AMER3: variants seen among roughly 807,000 people sequenced by gnomAD.
AMER3 encodes the protein family with sequence similarity 123C.
For missense variants in AMER3, 1,201 were observed against 1,139.4 expected (o/e 1.05, Z -0.78); for synonymous variants, 541 against 485.5 (o/e 1.11, Z -1.50).
chr2:130,758,095 C>G (rs888381608), intron 1 of AMER3, among the ~76,000 whole-genome samples: 7 of 152,010 alleles, frequency 4.6e-5, no homozygotes, highest in Non-Finnish European at 7.4e-5. Flanking sequence ...GATCACGCCA[C>G]TGCACTCCAG....
rs368341554 is a variant in AMER3, at chr2:130,760,864, C to T, written c.-19-1190C>T. 1.2e-3 allele frequency among the ~76,000 whole-genome samples: 180 copies of T among 152,278 alleles called. 3 individuals are homozygous for T. In the South Asian group the frequency reaches 0.037, roughly 31 times the overall value. The stretch of plus-strand genomic sequence containing the variant: ...CTTGGCTCAGCTCCCTCCTCCTTCG[C>T]TCATTTCCCTCCTCGAGCTGTCCCA... On this transcript the variant is annotated intron_variant, in intron 1 of 1. Coordinates refer to ENST00000321420, the MANE Select transcript of AMER3 (RefSeq NM_152698.3).
intron 1 of AMER3, among the ~76,000 whole-genome samples, chr2:130,757,276 T>A (rs1678640785): frequency 1.3e-5 from 2 of 152,188 alleles, no homozygotes; most frequent in East Asian, 3.8e-4. Flanking sequence ...TTGCAATAAA[T>A]CCATGTCTGT....
chr2:130,763,040 CCCT>C lies in AMER3; in HGVS notation c.972_974del (p.Leu325del). ...CGCTCAGTGCGTCAGCAGCAGCGTG[CCCT>C]CCTAGGCCCGTGGCTTTCAGGCCCC... On this transcript the variant is annotated inframe_deletion, in exon 2 of 2. Coordinates refer to ENST00000321420, the MANE Select transcript of AMER3 (RefSeq NM_152698.3). The C allele has an allele frequency of 6.2e-7, 1 of 1,613,126 alleles. No homozygotes were observed. Among genetic ancestry groups the C allele is most frequent in the South Asian group, 1.1e-5 (1 of 91,058 alleles).
At chr2:130,760,391 C>A (rs1261460655) in intron 1 of AMER3, among the ~76,000 whole-genome samples, 1 of 152,228 alleles carries the variant, frequency 6.6e-6, no homozygotes, top group African/African-American at 2.4e-5. Context: ...CCCTCGCCCC[C>A]CTGGGTCCTC....
At position 130,767,777 on chromosome 2, in the gene AMER3, C is replaced by A. The variant is rs1275521693; in HGVS notation, c.*3119C>A. ...ATCAACCTCAATGCAGTTGTCAGCC[C>A]CATTTTTCAGACCTGGACACGGAGG... On this transcript the variant is annotated 3_prime_UTR_variant, in exon 2 of 2. Transcript: ENST00000321420. 1 of 167,258 alleles carries A rather than the reference C, an allele frequency of 6.0e-6. No homozygotes were observed. Among genetic ancestry groups the A allele is most frequent in the Non-Finnish European group, 1.5e-5 (1 of 68,230 alleles). The allele number at this position is 167,258 out of a possible 1,614,324, so 10.4% of individuals were successfully genotyped here.
At chr2:130,760,316 G>A (rs187652629) in intron 1 of AMER3, among the ~76,000 whole-genome samples, 293 of 152,352 alleles carry the variant, frequency 1.9e-3, no homozygotes, top group Middle Eastern at 6.8e-3. Flanking sequence ...AGCCCCTGCA[G>A]TGTCAGCTCT....
chr2:130,763,394 A>C lies in AMER3; in HGVS notation c.1322A>C (p.Asp441Ala), dbSNP rs770126648. Residue 441 changes from aspartate (D) to alanine (A), a missense_variant, in exon 2 of 2, where the codon GAC (aspartate) becomes GCC (alanine). Transcript: ENST00000321420. ...CCTCTTGGCCCCAGCCCAGATGATG[A>C]CCTGTGCGTGTCTGAGAGTCTGTCA... ...EGPLGPSPDD[D>A]LCVSESLSGP... 5 of 1,612,842 alleles carry C rather than the reference A, an allele frequency of 3.1e-6. No homozygotes were observed. The highest frequency in any genetic ancestry group is 4.2e-6 in the Non-Finnish European group (5 of 1,179,978).
intron 1 of AMER3, 74 bp from the exon 2 acceptor site, chr2:130,761,980 G>A (rs1479171278): frequency 3.7e-6 from 5 of 1,364,776 alleles, no homozygotes; most frequent in East Asian, 2.5e-5. Flanking sequence ...CTGTGTGAGA[G>A]GGGTAGGCAG....
Position 130,764,435 on chromosome 2 carries a change from G to A in AMER3, c.2363G>A (p.Gly788Asp). ...GAGGCTGTGGAGCAGGTGGCACACG[G>A]CAGCCAGCTGGACTCTGAGCCCCGC... ...STEAVEQVAHGSQLDSEPRSA... is the reference protein window; with the variant it reads ...STEAVEQVAHDSQLDSEPRSA... Residue 788 changes from glycine (G) to aspartate (D), a missense_variant, in exon 2 of 2, where the codon GGC (glycine) becomes GAC (aspartate). Physicochemically the swap from Gly to Asp is moderately conservative, Grantham distance 94 (BLOSUM62 -1). Coordinates refer to ENST00000321420, the MANE Select transcript of AMER3 (RefSeq NM_152698.3). 8 of 1,606,662 alleles carry A rather than the reference G, an allele frequency of 5.0e-6. No individual in the cohort carries two copies. Among genetic ancestry groups the A allele is most frequent in the Non-Finnish European group, 5.9e-6 (7 of 1,177,166 alleles).
rs776778423 is a variant in AMER3 at position 130,764,382 on chromosome 2, G to A, written c.2310G>A (p.Val770=). 19 of 1,612,668 alleles carry A rather than the reference G, an allele frequency of 1.2e-5. No homozygotes were observed. The highest frequency in any genetic ancestry group is 6.7e-5 in the Admixed American group (4 of 59,972). Residue 770 remains valine, a synonymous_variant, in exon 2 of 2, where the codon GTG becomes GTA. Transcript: ENST00000321420. ...TAGGTGTCCAGGCCTGGGCCTCTGT[G>A]GAGGACCAGCCCTTGCAGCTCAGCA... is the stretch of plus-strand genomic sequence containing the variant. ...TGLGVQAWAS[V]EDQPLQLSTE...
At chr2:130,757,938 C>T (rs1373916279) in intron 1 of AMER3, among the ~76,000 whole-genome samples, 1 of 152,170 alleles carries the variant, frequency 6.6e-6, no homozygotes, top group Non-Finnish European at 1.5e-5. Context: ...CAAGACCATC[C>T]TGGCTAACAC....
At position 130,762,614 on chromosome 2, in the gene AMER3, G is replaced by A. The variant is rs540849301; in HGVS notation, c.542G>A (p.Gly181Glu). The A allele has an allele frequency of 1.6e-4, 259 of 1,612,396 alleles. No homozygotes were observed. The South Asian group carries it at 2.6e-3, about 16-fold the overall frequency. Reference protein sequence around the residue: ...TEDLASLAAEGKSLPSPGDPS... With the variant: ...TEDLASLAAEEKSLPSPGDPS... ...GACTTGGCCTCGCTGGCGGCCGAGGGGAAAAGCCTGCCCTCCCCAGGGGAC... is the reference window on the plus strand; with the variant it reads ...GACTTGGCCTCGCTGGCGGCCGAGGAGAAAAGCCTGCCCTCCCCAGGGGAC... The change falls in exon 2 of 2, where the codon GGG becomes GAG. Residue 181 changes from glycine to glutamate, a missense_variant. Coordinates refer to ENST00000321420, the MANE Select transcript of AMER3 (RefSeq NM_152698.3).
chr2:130,767,255 A>AG lies in AMER3; in HGVS notation c.*2597_*2598insG, dbSNP rs761373520. On this transcript the variant is annotated 3_prime_UTR_variant, in exon 2 of 2. Coordinates refer to ENST00000321420, the MANE Select transcript of AMER3 (RefSeq NM_152698.3). ...AAGATTAGCTTCTACCTCAACCAGC[A>AG]CACCTCAGCAAGATGCCAGGATTGG... The AG allele has an allele frequency of 4.8e-5, 8 of 167,432 alleles. No individual in the cohort carries two copies. The highest frequency in any genetic ancestry group is 3.4e-3 in the Middle Eastern group (1 of 298). The allele number at this position is 167,432 out of a possible 1,614,324, so 10.4% of individuals were successfully genotyped here.
rs1678578297 is a variant in AMER3 at position 130,755,631 on chromosome 2, C to G, written c.-63C>G. On this transcript the variant is annotated 5_prime_UTR_variant, in exon 1 of 2. Transcript: ENST00000321420. ...GAGTCCCCACAGCATTTCTGCTCCT[C>G]CCTCAAGACTGCGGCAGAGCACAGC... 6.5e-6 allele frequency: 1 copy of G among 152,936 alleles called. No individual in the cohort carries two copies. Among genetic ancestry groups the G allele is most frequent in the Non-Finnish European group, 1.5e-5 (1 of 68,534 alleles). The allele number at this position is 152,936 out of a possible 1,614,324, so 9.5% of individuals were successfully genotyped here.
At chr2:130,761,732 G>A (rs534355469) in intron 1 of AMER3, among the ~76,000 whole-genome samples, 2 of 152,308 alleles carry the variant, frequency 1.3e-5, no homozygotes, top group African/African-American at 2.4e-5. Flanking sequence ...GACCTGCTAC[G>A]GATACACTAA....
In AMER3 at chr2:130,764,804, A is replaced by G. The variant is rs1393454836; in HGVS notation, c.*146A>G. 2 of 1,069,326 alleles carry G rather than the reference A, an allele frequency of 1.9e-6. No homozygotes were observed. The highest frequency in any genetic ancestry group is 2.7e-6 in the Non-Finnish European group (2 of 753,906). The allele number at this position is 1,069,326 out of a possible 1,614,324, so 66.2% of individuals were successfully genotyped here. ...AGGACTCAGGCATGCAGAGGGTAGCATGTTCATGTGGAGGCATCCTTGCCT... is the reference window on the plus strand; with the variant it reads ...AGGACTCAGGCATGCAGAGGGTAGCGTGTTCATGTGGAGGCATCCTTGCCT... On this transcript the variant is annotated 3_prime_UTR_variant, in exon 2 of 2. Transcript: ENST00000321420.
chr2:130,763,395 C>T lies in AMER3; in HGVS notation c.1323C>T (p.Asp441=), dbSNP rs151032832. 1,889 of 1,613,114 alleles carry T rather than the reference C, an allele frequency of 1.2e-3. 6 individuals are homozygous for T. The highest frequency in any genetic ancestry group is 1.5e-3 in the Non-Finnish European group (1,748 of 1,180,006). The change falls in exon 2 of 2, where the codon GAC becomes GAT. Residue 441 remains aspartate (D), a synonymous_variant. Coordinates refer to ENST00000321420, the MANE Select transcript of AMER3 (RefSeq NM_152698.3). ...EGPLGPSPDD[D]LCVSESLSGP... is the part of the protein sequence containing the mutation. ...CTCTTGGCCCCAGCCCAGATGATGACCTGTGCGTGTCTGAGAGTCTGTCAG... is the reference window on the plus strand; with the variant it reads ...CTCTTGGCCCCAGCCCAGATGATGATCTGTGCGTGTCTGAGAGTCTGTCAG...
rs1177930084 is a variant in AMER3 at position 130,765,830 on chromosome 2, C to T, written c.*1172C>T. 1.2e-5 allele frequency: 2 copies of T among 167,026 alleles called. No homozygotes were observed. Among genetic ancestry groups the T allele is most frequent in the Non-Finnish European group, 2.9e-5 (2 of 68,130 alleles). 10.3% of individuals were successfully genotyped at this position (167,026 alleles called of 1,614,324 possible). On this transcript the variant is annotated 3_prime_UTR_variant, in exon 2 of 2. Transcript: ENST00000321420. ...CTGCCCACCAACATTGAGGGTGGAT[C>T]TTCCACACCTAGGCCCCTCAGATTC... is the stretch of plus-strand genomic sequence containing the variant.
At position 130,762,287 on chromosome 2, in the gene AMER3, T is replaced by A. The variant is rs763893750; in HGVS notation, c.215T>A (p.Leu72Gln). ...YDRCPNKGAQ[L>Q]DPKGGPAALC... ...AGATGCCCCAACAAAGGGGCGCAGC[T>A]GGACCCCAAAGGGGGACCCGCAGCC... The change falls in exon 2 of 2, where the codon CTG (leucine) becomes CAG (glutamine). Residue 72 changes from leucine to glutamine, a missense_variant. Coordinates refer to ENST00000321420, the MANE Select transcript of AMER3 (RefSeq NM_152698.3). 12 of 1,592,492 alleles carry A rather than the reference T, an allele frequency of 7.5e-6. No homozygotes were observed. In the Admixed American group the frequency reaches 1.6e-4, roughly 21 times the overall value.
Sources: allele counts gnomAD v4.1 joint callset (sites outside exome capture counted in the v4.1 genomes callset), GRCh38; gene constraint gnomAD v4.1.1; transcripts MANE v1.5; gene names NCBI Gene and HGNC (gene_info 2026-07-23, HGNC 2026-07-21).